The following ZNF184 variants were observed in gnomAD, a reference collection of about 807,000 sequenced individuals.
ZNF184 encodes the protein zinc finger protein 184.
A neutral mutation model predicts 54.4 loss-of-function variants in ZNF184; 16 were observed. The ratio of observed to expected loss-of-function variants is 0.29; its 90% CI spans 0.20 to 0.45. ZNF184 has a LOEUF of 0.45. Ranked by LOEUF, ZNF184 falls within the 20% of genes least tolerant of loss-of-function variation. The pLI, the probability that ZNF184 is intolerant of heterozygous loss-of-function variation, is 1.00. For missense variants in ZNF184, 681 were observed against 888.2 expected, an observed-to-expected ratio of 0.77 and a Z score of 2.97; for synonymous variants, 254 against 295.3, an observed-to-expected ratio of 0.86 and a Z score of 1.43.
the ZNF184 span, among the ~76,000 whole-genome samples, chr6:27,424,282 G>A: frequency 1.3e-5 from 2 of 152,332 alleles, no homozygotes; most frequent in Middle Eastern, 3.4e-3. Flanking sequence ...GCTCACAAAA[G>A]TAGTGTGAGC....
At chr6:27,442,870 G>GAAAGAAAGAAAGAAAAAGAAAA in the ZNF184 span, among the ~76,000 whole-genome samples, 1 of 30,694 alleles carries the variant, frequency 3.3e-5, no homozygotes, top group African/African-American at 1.1e-4. Flanking sequence ...AAGAAAGAAA[G>GAAAGAAAGAAAGAAAAAGAAAA]AAAGAAAGAA....
At chr6:27,450,363 G>A (rs1009494389), downstream of ZNF184, among the ~76,000 whole-genome samples, 4 of 152,214 alleles carry the variant, frequency 2.6e-5, no homozygotes, top group African/African-American at 9.6e-5. Flanking sequence ...TAGGAGGGGG[G>A]CCTTTGGGAG....
At chr6:27,464,619 C>G (rs949233985) in intron 3 of ZNF184, among the ~76,000 whole-genome samples, 5 of 152,030 alleles carry the variant, frequency 3.3e-5, no homozygotes, top group Middle Eastern at 3.2e-3. Context: ...TTATCCATAT[C>G]AAAAGTCACA....
At chr6:27,422,202 A>G in the ZNF184 span, among the ~76,000 whole-genome samples, 1 of 104,210 alleles carries the variant, frequency 9.6e-6, no homozygotes, top group African/African-American at 3.4e-5. Context: ...GAAAGAAAGA[A>G]AGAAAGAAAG....
chr6:27,423,654 A>AACAAC, the ZNF184 span, among the ~76,000 whole-genome samples: 1 of 141,784 alleles, frequency 7.1e-6, no homozygotes, highest in Non-Finnish European at 1.6e-5. Context: ...CAAAAAACAA[A>AACAAC]ACACCGCTCA....
intron 5 of ZNF184, among the ~76,000 whole-genome samples, chr6:27,455,716 A>T (rs1415697715): frequency 1.3e-5 from 2 of 150,314 alleles, no homozygotes; most frequent in Non-Finnish European, 1.5e-5. Flanking sequence ...CTGCCTATTT[A>T]AAAAAAAAAT....
At chr6:27,463,346 A>C (rs1763047814) in intron 3 of ZNF184, among the ~76,000 whole-genome samples, 1 of 152,030 alleles carries the variant, frequency 6.6e-6, no homozygotes, top group Non-Finnish European at 1.5e-5. Context: ...TGAGATTTAA[A>C]AAAATTCACC....
At chr6:27,447,344 T>C (rs1762649356), downstream of ZNF184, among the ~76,000 whole-genome samples, 1 of 152,136 alleles carries the variant, frequency 6.6e-6, no homozygotes, top group Non-Finnish European at 1.5e-5. Flanking sequence ...ATTCTATGGT[T>C]TGAATGTCTC....
chr6:27,410,432 C>T, the ZNF184 span, among the ~76,000 whole-genome samples: 10 of 152,078 alleles, frequency 6.6e-5, no homozygotes, highest in African/African-American at 2.4e-4. Context: ...GCAGAGGGTT[C>T]GTTGAAAAGA....
At chr6:27,434,249 T>C in the ZNF184 span, among the ~76,000 whole-genome samples, 1 of 152,212 alleles carries the variant, frequency 6.6e-6, no homozygotes, top group Non-Finnish European at 1.5e-5. Flanking sequence ...GAGGAACTAC[T>C]GAATGGTTTT....
At chr6:27,467,419 C>A (rs899483148) in intron 3 of ZNF184, among the ~76,000 whole-genome samples, 1 of 152,016 alleles carries the variant, frequency 6.6e-6, no homozygotes, top group African/African-American at 2.4e-5. Flanking sequence ...CATGATGAAA[C>A]CCCGTCTCTA....
downstream of ZNF184, among the ~76,000 whole-genome samples, chr6:27,447,497 G>C (rs200759186): frequency 7.9e-5 from 12 of 152,166 alleles, no homozygotes; most frequent in East Asian, 1.4e-3. Flanking sequence ...CAGATCACCT[G>C]AGGTCAGGAG....
intron 2 of ZNF184, among the ~76,000 whole-genome samples, chr6:27,471,740 A>G: frequency 6.6e-6 from 1 of 152,244 alleles, no homozygotes; most frequent in East Asian, 1.9e-4. Context: ...GCAGTGTGAA[A>G]GAAAGAACAG....
At chr6:27,433,869 TCTTCCTTCCTTCCC>T in the ZNF184 span, among the ~76,000 whole-genome samples, 1 of 149,724 alleles carries the variant, frequency 6.7e-6, no homozygotes, top group Non-Finnish European at 1.5e-5. Flanking sequence ...CTTTCCTCTT[TCTTCCTTCCTTCCC>T]CTTCCTTCCT....
chr6:27,453,040 A>G lies in ZNF184; in HGVS notation c.519T>C (p.Ser173=). 2 of 1,614,062 alleles carry G rather than the reference A, an allele frequency of 1.2e-6. No homozygotes were observed. Among genetic ancestry groups the G allele is most frequent in the Non-Finnish European group, 8.5e-7 (1 of 1,179,994 alleles). The stretch of plus-strand genomic sequence containing the variant: ...CATTATTTACAGGGCCTTTTTCCCA[A>G]CTGGGTATTGTCTTTTCGGTTACCT... ...EIKVTEKTIP[S]WEKGPVNNEF... The change falls in exon 6 of 6, where the codon AGT becomes AGC. Residue 173 remains serine (S), a synonymous_variant. Transcript: ENST00000683788. This position sits in a 1 kb window ranked among gnomAD's most constrained non-coding sequence, Gnocchi z 4.7.
the ZNF184 span, among the ~76,000 whole-genome samples, chr6:27,423,585 T>C: frequency 6.6e-6 from 1 of 151,866 alleles, no homozygotes; most frequent in Non-Finnish European, 1.5e-5. Flanking sequence ...TTCTCTGTTC[T>C]CAGCAATACG....
At chr6:27,420,123 A>T in the ZNF184 span, among the ~76,000 whole-genome samples, 4 of 152,246 alleles carry the variant, frequency 2.6e-5, no homozygotes, top group Non-Finnish European at 5.9e-5. Flanking sequence ...CTCCACAACC[A>T]GTCTTGATAC....
the ZNF184 span, among the ~76,000 whole-genome samples, chr6:27,415,221 C>T: frequency 6.6e-6 from 1 of 152,138 alleles, no homozygotes; most frequent in Non-Finnish European, 1.5e-5. Context: ...AGGACTCTTA[C>T]ATAAGTCCTG....
chr6:27,426,954 G>A, the ZNF184 span, among the ~76,000 whole-genome samples: 2 of 152,076 alleles, frequency 1.3e-5, no homozygotes, highest in Non-Finnish European at 2.9e-5. This position sits in a 1 kb window ranked among gnomAD's most constrained non-coding sequence, Gnocchi z 4.2. Flanking sequence ...TGTGTTGATG[G>A]TAGGGGTAAT....
Sources: gnomAD v4.1 joint callset for allele counts (sites outside exome capture counted in the v4.1 genomes callset) on GRCh38, gnomAD v4.1.1 for gene constraint, Gnocchi (gnomAD v3.1) non-coding constraint, MANE v1.5 for transcripts, NCBI Gene and HGNC (gene_info 2026-07-23, HGNC 2026-07-21) for gene names.